The following ASAP1 variants were observed in gnomAD, a reference collection of about 807,000 sequenced individuals.
The protein encoded by ASAP1 is ArfGAP with SH3 domain, ankyrin repeat and PH domain 1.
A neutral mutation model predicts 145.2 loss-of-function variants in ASAP1; 43 were observed. That is an observed-to-expected ratio of 0.30 (90% CI 0.23 to 0.38). The LOEUF is 0.38. Ranked by LOEUF, ASAP1 falls within the 10% of genes least tolerant of loss-of-function variation. The pLI, the probability that ASAP1 is intolerant of heterozygous loss-of-function variation, is 1.00. For synonymous variants in ASAP1, 546 were observed against 515.5 expected (o/e 1.06, Z -0.80); for missense variants, 1,018 against 1,355.3 (o/e 0.75, Z 3.91).
At chr8:130,183,498 G>A (rs1396378941) in intron 7 of ASAP1, among the ~76,000 whole-genome samples, 2 of 151,814 alleles carry the variant, frequency 1.3e-5, no homozygotes, top group African/African-American at 2.4e-5. Context: ...CCGCCACCAC[G>A]CCCAGCTAAT....
intron 3 of ASAP1, among the ~76,000 whole-genome samples, chr8:130,274,173 CT>C (rs1353629864): frequency 6.6e-6 from 1 of 152,196 alleles, no homozygotes; most frequent in Non-Finnish European, 1.5e-5. Context: ...GCCTGCATTG[CT>C]TTCCCTTGGG....
intron 29 of ASAP1, among the ~76,000 whole-genome samples, chr8:130,057,313 C>T (rs2097406333): frequency 6.6e-6 from 1 of 152,162 alleles, no homozygotes; most frequent in Non-Finnish European, 1.5e-5. Flanking sequence ...GGACCACAGG[C>T]AACATGCTCA....
intron 1 of ASAP1, among the ~76,000 whole-genome samples, chr8:130,417,601 C>G (rs1829539914): frequency 6.7e-6 from 1 of 150,142 alleles, no homozygotes; most frequent in African/African-American, 2.5e-5. Context: ...GAAAACCCCA[C>G]AAGTCCTGGC....
chr8:130,312,804 A>C (rs1454314482), intron 3 of ASAP1, among the ~76,000 whole-genome samples: 1 of 152,214 alleles, frequency 6.6e-6, no homozygotes, highest in Non-Finnish European at 1.5e-5. Context: ...ATAGTTGCTT[A>C]GCTTGTTCTA....
At chr8:130,249,759 C>T (rs922170931) in intron 3 of ASAP1, among the ~76,000 whole-genome samples, 1 of 152,088 alleles carries the variant, frequency 6.6e-6, no homozygotes, top group African/African-American at 2.4e-5. Flanking sequence ...AGTTGTAGAG[C>T]CATCTTGCTG....
intron 27 of ASAP1, among the ~76,000 whole-genome samples, chr8:130,073,961 T>C (rs182515961): frequency 2.5e-3 from 379 of 152,320 alleles, no homozygotes; most frequent in Non-Finnish European, 4.0e-3. Flanking sequence ...GGATGGAATC[T>C]AGACTGGAGA....
At chr8:130,155,708 T>C in intron 12 of ASAP1, among the ~76,000 whole-genome samples, 1 of 152,220 alleles carries the variant, frequency 6.6e-6, no homozygotes, top group East Asian at 1.9e-4. Flanking sequence ...TGGACTAGAC[T>C]GAATTGCTGT....
intron 3 of ASAP1, among the ~76,000 whole-genome samples, chr8:130,328,014 C>CA (rs771887029): frequency 1.3e-3 from 192 of 150,678 alleles, no homozygotes; most frequent in Non-Finnish European, 1.7e-3. Context: ...CCCACTTTTG[C>CA]AAAAGAAAAA....
At position 130,054,361 on chromosome 8, in the gene ASAP1, T is replaced by C. The variant is rs764407148; in HGVS notation, c.*370A>G. The C allele has an allele frequency of 1.6e-5, 3 of 190,498 alleles. No individual in the cohort carries two copies. The highest frequency in any genetic ancestry group is 3.4e-5 in the Non-Finnish European group (3 of 89,098). 11.8% of individuals were successfully genotyped at this position (190,498 alleles called of 1,614,324 possible). On this transcript the variant is annotated 3_prime_UTR_variant, in exon 30 of 30. Coordinates refer to ENST00000518721, the MANE Select transcript of ASAP1 (RefSeq NM_018482.4). ...AGTAACACAATTGAGAATACTGCAT[T>C]GTTAGGAACAGAGTCAATTCTATGC...
At chr8:130,326,071 C>A (rs1167365225) in intron 3 of ASAP1, among the ~76,000 whole-genome samples, 1 of 152,156 alleles carries the variant, frequency 6.6e-6, no homozygotes, top group Non-Finnish European at 1.5e-5. Context: ...GACTCCACAG[C>A]ATGTGTCCTT....
At chr8:130,058,462 C>A (rs2097409453) in intron 28 of ASAP1, among the ~76,000 whole-genome samples, 1 of 152,182 alleles carries the variant, frequency 6.6e-6, no homozygotes, top group Non-Finnish European at 1.5e-5. Context: ...TTTTAGGAAA[C>A]ATGATGTAAA....
intron 3 of ASAP1, among the ~76,000 whole-genome samples, chr8:130,252,490 C>T (rs1005158083): frequency 3.3e-5 from 5 of 151,944 alleles, no homozygotes; most frequent in Admixed American, 6.6e-5. Context: ...TTCAAAGGAC[C>T]CAACAATATG....
At chr8:130,194,674 TTA>T (rs1815362814) in intron 5 of ASAP1, among the ~76,000 whole-genome samples, 1 of 152,114 alleles carries the variant, frequency 6.6e-6, no homozygotes, top group Non-Finnish European at 1.5e-5. Context: ...TCACCAGGCA[TTA>T]GATTCTCATA....
intron 9 of ASAP1, among the ~76,000 whole-genome samples, chr8:130,171,874 G>C (rs573970714): frequency 1.3e-5 from 2 of 152,318 alleles, no homozygotes; most frequent in Admixed American, 1.3e-4. Flanking sequence ...GGAGTTAAAA[G>C]TATGGGTACA....
In ASAP1 at chr8:130,060,693, T is replaced by C. The variant is rs145770490; in HGVS notation, c.3078A>G (p.Leu1026=). ...EVTLKSHPLD[L]SPNVQSRDAI... is the part of the protein sequence containing the mutation. ...CGTCTCTGGACTGCACATTTGGGGA[T>C]AGATCCAATGGGTGTGACTTCAGTG... Residue 1026 remains leucine, a synonymous_variant, in exon 28 of 30, where the codon CTA becomes CTG. Coordinates refer to ENST00000518721, the MANE Select transcript of ASAP1 (RefSeq NM_018482.4). 41 of 1,614,064 alleles carry C rather than the reference T, an allele frequency of 2.5e-5. No homozygotes were observed. Among genetic ancestry groups the C allele is most frequent in the Non-Finnish European group, 3.2e-5 (38 of 1,180,042 alleles).
Position 130,205,412 on chromosome 8 carries a change from T to C in ASAP1, c.405+9144A>G, listed in dbSNP as rs150633045. Among the ~76,000 whole-genome samples, 480 of 150,042 alleles carry C rather than the reference T, an allele frequency of 3.2e-3. 1 individual carries two copies. Among genetic ancestry groups the C allele is most frequent in the African/African-American group, 0.011 (458 of 40,698 alleles). On this transcript the variant is annotated intron_variant, in intron 5 of 29. Coordinates refer to ENST00000518721, the MANE Select transcript of ASAP1 (RefSeq NM_018482.4). The stretch of plus-strand genomic sequence containing the variant: ...AAAAAAAAAAAAAACAAAAACCATA[T>C]TCAAATTCAGCCTGAGGTATATATA...
intron 24 of ASAP1, among the ~76,000 whole-genome samples, chr8:130,097,432 G>A (rs1256230745): frequency 6.6e-6 from 1 of 152,112 alleles, no homozygotes; most frequent in African/African-American, 2.4e-5. Context: ...GGCTATGCCT[G>A]GGTCCCTTCC....
At chr8:130,430,416 T>C (rs1283354118) in intron 1 of ASAP1, among the ~76,000 whole-genome samples, 1 of 152,076 alleles carries the variant, frequency 6.6e-6, no homozygotes, top group Non-Finnish European at 1.5e-5. Context: ...GCTGAAGAAA[T>C]GAAGGTTTGG....
chr8:130,320,685 C>T (rs1403395548), intron 3 of ASAP1, among the ~76,000 whole-genome samples: 1 of 147,168 alleles, frequency 6.8e-6, no homozygotes, highest in African/African-American at 2.7e-5. Context: ...GCTTTCCACA[C>T]AACCAGGAAG....
Sources: allele counts gnomAD v4.1 joint callset (sites outside exome capture counted in the v4.1 genomes callset), GRCh38; gene constraint gnomAD v4.1.1; transcripts MANE v1.5; gene names NCBI Gene and HGNC (gene_info 2026-07-23, HGNC 2026-07-21).